The following AHCYL2 variants were observed in gnomAD, a reference collection of about 807,000 sequenced individuals.
AHCYL2 encodes adenosylhomocysteinase like 2.
AHCYL2 carries 28 observed loss-of-function variants against 81.4 expected under a neutral mutation model. The observed-to-expected ratio is 0.34, with a 90% CI of 0.25 to 0.47. The LOEUF is 0.47. Ranked by LOEUF, AHCYL2 falls within the 20% of genes least tolerant of loss-of-function variation. The pLI, the probability that AHCYL2 is intolerant of heterozygous loss-of-function variation, is 1.00. For missense variants in AHCYL2, 551 were observed against 785.1 expected (o/e 0.70, Z 3.56); for synonymous variants, 272 against 290.2 (o/e 0.94, Z 0.64).
intron 1 of AHCYL2, among the ~76,000 whole-genome samples, chr7:129,339,656 C>T (rs1238329595): frequency 6.6e-6 from 1 of 151,374 alleles, no homozygotes; most frequent in Non-Finnish European, 1.5e-5. Flanking sequence ...TTCAGCCTCT[C>T]TGGTAGCTAG....
At chr7:129,413,060 C>T (rs1796669111) in intron 11 of AHCYL2, among the ~76,000 whole-genome samples, 1 of 150,690 alleles carries the variant, frequency 6.6e-6, no homozygotes, top group Admixed American at 6.6e-5. Context: ...AGGCTGGTCT[C>T]AAACTCCAGG....
chr7:129,368,670 A>C lies in AHCYL2; in HGVS notation c.364-10968A>C. ...CCTACCAAGATCCGTGGTTGGAAAAACAGTTATTACTCTACGTTCTGATTA... is the reference window on the plus strand; with the variant it reads ...CCTACCAAGATCCGTGGTTGGAAAACCAGTTATTACTCTACGTTCTGATTA... On this transcript the variant is annotated intron_variant, in intron 1 of 16. Transcript: ENST00000325006. This position sits in a 1 kb window ranked among gnomAD's most constrained non-coding sequence, Gnocchi z 4.4. The C allele has an allele frequency of 8.3e-7, 1 of 1,200,844 alleles. No individual in the cohort carries two copies. The highest frequency in any genetic ancestry group is 1.2e-6 in the Non-Finnish European group (1 of 820,404). The allele number at this position is 1,200,844 out of a possible 1,614,324, so 74.4% of individuals were successfully genotyped here.
chr7:129,321,979 T>C (rs1261989218), intron 1 of AHCYL2, among the ~76,000 whole-genome samples: 2 of 152,102 alleles, frequency 1.3e-5, no homozygotes, highest in African/African-American at 4.8e-5. Flanking sequence ...TTTCGCCATG[T>C]TGGCCAGGCT....
chr7:129,413,707 T>TC lies in AHCYL2; in HGVS notation c.1461+19_1461+20insC. On this transcript the variant is annotated intron_variant, in intron 12 of 16. Coordinates refer to ENST00000325006, the MANE Select transcript of AHCYL2 (RefSeq NM_015328.4). ...TGACGTGGTAAGATCAAGTAGCTCATTATTGGGGGCTTTTTTCTCTCCTTC... is the reference window on the plus strand; with the variant it reads ...TGACGTGGTAAGATCAAGTAGCTCATCTATTGGGGGCTTTTTTCTCTCCTTC... The TC allele has an allele frequency of 6.2e-7, 1 of 1,604,092 alleles. No homozygotes were observed. The highest frequency in any genetic ancestry group is 8.5e-7 in the Non-Finnish European group (1 of 1,171,304).
rs114807853 is a variant in AHCYL2, at chr7:129,360,781, G to C, written c.364-18857G>C. Among the ~76,000 whole-genome samples, 327 of 152,268 alleles carry C rather than the reference G, an allele frequency of 2.1e-3. 1 individual carries two copies. The highest frequency in any genetic ancestry group is 7.3e-3 in the African/African-American group (304 of 41,556). ...CAGAGTGGGAAGGTAAGGGAATGTA[G>C]AGCACCAAGGCTCCAGAGATAGGCA... On this transcript the variant is annotated intron_variant, in intron 1 of 16. Transcript: ENST00000325006.
intron 1 of AHCYL2, among the ~76,000 whole-genome samples, chr7:129,327,078 T>C (rs1027714478): frequency 3.3e-5 from 5 of 152,234 alleles, no homozygotes; most frequent in Non-Finnish European, 7.3e-5. Flanking sequence ...GTTACTGCTA[T>C]GGACTGAATG....
intron 1 of AHCYL2, among the ~76,000 whole-genome samples, chr7:129,284,918 A>G (rs781657198): frequency 2.6e-5 from 4 of 152,236 alleles, no homozygotes; most frequent in Non-Finnish European, 4.4e-5. Flanking sequence ...CTAATTTTAT[A>G]GAATTATAGC....
At chr7:129,299,455 G>A (rs888794669) in intron 1 of AHCYL2, among the ~76,000 whole-genome samples, 11 of 130,978 alleles carry the variant, frequency 8.4e-5, no homozygotes, top group Admixed American at 3.7e-4. Flanking sequence ...GTGCAGTGGC[G>A]CGATCTCGGC....
intron 1 of AHCYL2, among the ~76,000 whole-genome samples, chr7:129,274,115 T>G (rs1373062296): frequency 6.6e-6 from 1 of 152,216 alleles, no homozygotes; most frequent in East Asian, 1.9e-4. Context: ...TGATTAGATT[T>G]CAGAATTGTT....
intron 1 of AHCYL2, among the ~76,000 whole-genome samples, chr7:129,283,099 G>A (rs1796506790): frequency 6.6e-6 from 1 of 152,122 alleles, no homozygotes; most frequent in Admixed American, 6.6e-5. Flanking sequence ...GTACTTAAGA[G>A]GAGCCCACTG....
intron 1 of AHCYL2, among the ~76,000 whole-genome samples, chr7:129,306,423 T>G (rs1797445972): frequency 6.6e-6 from 1 of 152,108 alleles, no homozygotes; most frequent in Non-Finnish European, 1.5e-5. Context: ...ACTACAGAAT[T>G]TCTGCTTTAT....
At chr7:129,286,144 C>G (rs1796622143) in intron 1 of AHCYL2, among the ~76,000 whole-genome samples, 1 of 152,066 alleles carries the variant, frequency 6.6e-6, no homozygotes, top group South Asian at 2.1e-4. Flanking sequence ...AGAATTGAGG[C>G]TACACAATAT....
chr7:129,306,611 T>A (rs1238229998), intron 1 of AHCYL2, among the ~76,000 whole-genome samples: 1 of 152,206 alleles, frequency 6.6e-6, no homozygotes, highest in African/African-American at 2.4e-5. Context: ...TTTGTTTGTT[T>A]GGTCAGATCA....
At chr7:129,389,954 G>T (rs1465082592) in intron 4 of AHCYL2, among the ~76,000 whole-genome samples, 3 of 152,206 alleles carry the variant, frequency 2.0e-5, no homozygotes, top group Non-Finnish European at 4.4e-5. Context: ...TATACAGCTA[G>T]AAATCACAGA....
chr7:129,260,549 C>T (rs1244829966), intron 1 of AHCYL2, among the ~76,000 whole-genome samples: 2 of 152,186 alleles, frequency 1.3e-5, no homozygotes, highest in African/African-American at 4.8e-5. Flanking sequence ...ATCAGCATCA[C>T]TTGTAAGAGG....
intron 1 of AHCYL2, among the ~76,000 whole-genome samples, chr7:129,239,661 T>C (rs1165425782): frequency 6.6e-6 from 1 of 152,038 alleles, no homozygotes; most frequent in Non-Finnish European, 1.5e-5. Flanking sequence ...AAGAAAATAA[T>C]TTTAGGGTTT....
intron 1 of AHCYL2, among the ~76,000 whole-genome samples, chr7:129,330,909 C>T (rs1798396491): frequency 6.6e-6 from 1 of 152,138 alleles, no homozygotes; most frequent in Non-Finnish European, 1.5e-5. Context: ...AATCGTTAGT[C>T]ATCATAAACA....
chr7:129,252,148 A>G (rs1209286580), intron 1 of AHCYL2, among the ~76,000 whole-genome samples: 1 of 152,172 alleles, frequency 6.6e-6, no homozygotes, highest in African/African-American at 2.4e-5. Context: ...CTGCCCTTAA[A>G]TGAACATAAC....
In AHCYL2 at chr7:129,397,248, GGGGGC is replaced by G; in HGVS notation, c.748_752del (p.Gly250ProfsTer15). On this transcript the variant is annotated frameshift_variant, in exon 5 of 17. Transcript: ENST00000325006. LOFTEE classifies it high-confidence loss of function. Reference sequence around the variant, plus strand: ...TGCTTATGGAAACTCTGGGTGCTCTGGGGGCCCAGTGCCGATGGGCTGCCTGCAAC... The same window carrying G: ...TGCTTATGGAAACTCTGGGTGCTCTGCCAGTGCCGATGGGCTGCCTGCAAC... 1 of 1,614,026 alleles carries G rather than the reference GGGGGC, an allele frequency of 6.2e-7. No homozygotes were observed. The highest frequency in any genetic ancestry group is 8.5e-7 in the Non-Finnish European group (1 of 1,179,968).
Sources: allele counts gnomAD v4.1 joint callset (sites outside exome capture counted in the v4.1 genomes callset), GRCh38; gene constraint gnomAD v4.1.1; non-coding constraint Gnocchi (gnomAD v3.1); transcripts MANE v1.5; gene names NCBI Gene and HGNC (gene_info 2026-07-23, HGNC 2026-07-21).